Variants in PKM observed in about 807,000 individuals in gnomAD.
The protein encoded by PKM is pyruvate kinase M1/2, also known as pyruvate kinase PKM.
Under a neutral mutation model 49.8 loss-of-function variants are expected in PKM, and 18 were observed. The observed-to-expected ratio is 0.36, with a 90% CI of 0.25 to 0.54. PKM has a LOEUF of 0.54. Among genes scored for constraint, PKM ranks in the 20% least tolerant of loss-of-function variants. The probability of loss-of-function intolerance (pLI) is 0.89; values close to 1 mark genes in which losing one functional copy is unlikely to be tolerated. For synonymous variants in PKM, 239 were observed against 261.8 expected (o/e 0.91, Z 0.84); for missense variants, 508 against 713.8 (o/e 0.71, Z 3.28).
At chr15:72,215,887 C>T (rs1222891027) in intron 3 of PKM, among the ~76,000 whole-genome samples, 1 of 152,148 alleles carries the variant, frequency 6.6e-6, no homozygotes, top group African/African-American at 2.4e-5. Context: ...TTCTCGGTGA[C>T]TCCTGCTAAG....
chr15:72,202,410 T>C lies in PKM; in HGVS notation c.1307+44A>G. On this transcript the variant is annotated intron_variant, in intron 9 of 10. Transcript: ENST00000335181. The surrounding 1 kb of genome is among the most constrained non-coding windows in gnomAD (Gnocchi z 4.5). ...TGCTCCCAGGACCCCCAAGGTGAGG[T>C]ACCACTGAGCAGGGCATTCCAGGGA... The C allele has an allele frequency of 3.2e-6, 5 of 1,586,210 alleles. No homozygotes were observed. Among genetic ancestry groups the C allele is most frequent in the Non-Finnish European group, 4.3e-6 (5 of 1,161,786 alleles).
At chr15:72,231,424 T>C (rs8192349), upstream of PKM, 1,934 of 152,734 alleles carry the variant, frequency 0.013, 60 homozygotes, top group Admixed American at 0.057. Flanking sequence ...CAGAGTCACA[T>C]TTTAAGAAAC....
chr15:72,202,418 A>G lies in PKM; in HGVS notation c.1307+36T>C. 1 of 1,599,970 alleles carries G rather than the reference A, an allele frequency of 6.3e-7. No individual in the cohort carries two copies. Among genetic ancestry groups the G allele is most frequent in the Admixed American group, 1.7e-5 (1 of 59,002 alleles). ...GGACCCCCAAGGTGAGGTACCACTG[A>G]GCAGGGCATTCCAGGGAGCCGCTGC... On this transcript the variant is annotated intron_variant, in intron 9 of 10. Coordinates refer to ENST00000335181, the MANE Select transcript of PKM (RefSeq NM_002654.6). The surrounding 1 kb of genome is among the most constrained non-coding windows in gnomAD (Gnocchi z 4.5).
At chr15:72,207,319 A>G (rs2082112514) in intron 6 of PKM, 42 bp from the exon 7 acceptor site, 2 of 1,584,492 alleles carry the variant, frequency 1.3e-6, no homozygotes. Flanking sequence ...TATAGAACAG[A>G]GGCCACAAGT....
chr15:72,222,684 G>A (rs958818011), intron 1 of PKM, among the ~76,000 whole-genome samples: 32 of 152,020 alleles, frequency 2.1e-4, no homozygotes, highest in Admixed American at 1.0e-3. Context: ...GAAGCCTGGC[G>A]TATCCACTGA....
At chr15:72,212,019 C>T (rs953754010) in intron 3 of PKM, among the ~76,000 whole-genome samples, 4 of 152,192 alleles carry the variant, frequency 2.6e-5, no homozygotes, top group African/African-American at 9.7e-5. Flanking sequence ...AGAGCCTAGC[C>T]TCTAAAGACA....
chr15:72,219,139 G>A, intron 1 of PKM, 29 bp from the exon 2 acceptor site: 3 of 1,600,382 alleles, frequency 1.9e-6, no homozygotes, highest in Non-Finnish European at 2.6e-6. Flanking sequence ...AAAGAGAGTG[G>A]TAAGACTGAG....
upstream of PKM, chr15:72,231,298 C>T (rs994073617): frequency 1.3e-5 from 2 of 156,498 alleles, no homozygotes; most frequent in African/African-American, 2.4e-5. Flanking sequence ...GGGCCCCGCC[C>T]CCTGCGTCCC....
Position 72,199,582 on chromosome 15 carries a change from T to G in PKM, c.*68A>C, listed in dbSNP as rs745908092. 3 of 1,087,886 alleles carry G rather than the reference T, an allele frequency of 2.8e-6. No homozygotes were observed. The highest frequency in any genetic ancestry group is 1.8e-5 in the Admixed American group (1 of 56,412). The allele number at this position is 1,087,886 out of a possible 1,614,324, so 67.4% of individuals were successfully genotyped here. A position where few individuals can be genotyped will look rare whatever the true frequency, so the allele number is the denominator to read the frequency against. ...AGCCCAGAGTGAGTTCTACAAGCGTTGCTGGCCTAATGGATGGGCTGGGGG... is the reference window on the plus strand; with the variant it reads ...AGCCCAGAGTGAGTTCTACAAGCGTGGCTGGCCTAATGGATGGGCTGGGGG... On this transcript the variant is annotated 3_prime_UTR_variant, in exon 11 of 11. Transcript: ENST00000335181.
At chr15:72,231,199 A>G (rs1011018364), upstream of PKM, 3 of 252,634 alleles carry the variant, frequency 1.2e-5, no homozygotes, top group Non-Finnish European at 2.5e-5. Context: ...GCAAGGAGCC[A>G]CTGCCTCAGC....
At chr15:72,218,611 T>C (rs2082435993) in intron 2 of PKM, among the ~76,000 whole-genome samples, 1 of 151,384 alleles carries the variant, frequency 6.6e-6, no homozygotes, top group Non-Finnish European at 1.5e-5. Flanking sequence ...TTTTCACTTT[T>C]TGGAGAGACA....
intron 3 of PKM, among the ~76,000 whole-genome samples, chr15:72,216,516 G>A (rs1052167521): frequency 1.3e-5 from 2 of 152,142 alleles, no homozygotes; most frequent in Non-Finnish European, 2.9e-5. Context: ...CCAGCTACTC[G>A]GGAGGCTGAG....
intron 1 of PKM, among the ~76,000 whole-genome samples, chr15:72,226,630 T>C (rs1303961786): frequency 6.6e-6 from 1 of 152,252 alleles, no homozygotes; most frequent in Admixed American, 6.5e-5. Context: ...TCAGAGAATC[T>C]TGACTGCAGT....
At chr15:72,203,356 T>C (rs1181979809) in intron 8 of PKM, 2 of 640,666 alleles carry the variant, frequency 3.1e-6, no homozygotes, top group Non-Finnish European at 5.6e-6. Flanking sequence ...GTGATGAAAG[T>C]CCAACTGCTT....
chr15:72,207,021 T>C (rs1687052044), intron 7 of PKM, 106 bp downstream of exon 7: 3 of 1,492,426 alleles, frequency 2.0e-6, no homozygotes, highest in Non-Finnish European at 2.8e-6. Context: ...ATTATCTGTG[T>C]GTTACGTGCG....
At chr15:72,222,028 A>C (rs1317171027) in intron 1 of PKM, among the ~76,000 whole-genome samples, 1 of 152,144 alleles carries the variant, frequency 6.6e-6, no homozygotes, top group Non-Finnish European at 1.5e-5. Context: ...TTACAGTAAA[A>C]GCTTTTGACA....
Position 72,209,754 on chromosome 15 carries a change from T to C in PKM, c.484A>G (p.Lys162Glu), listed in dbSNP as rs777998040. Residue 162 changes from lysine (K) to glutamate (E), a missense_variant, in exon 5 of 11, where the codon AAG becomes GAG. Transcript: ENST00000335181. ...ACTTCCACCACCTTGCAGATGTTCT[T>C]GTAGTCCAGCCACAGGATGTTCTCG... The part of the protein sequence containing the change: ...CDENILWLDY[K>E]NICKVVEVGS... 2 of 1,614,086 alleles carry C rather than the reference T, an allele frequency of 1.2e-6. No individual in the cohort carries two copies. Among genetic ancestry groups the C allele is most frequent in the Admixed American group, 3.3e-5 (2 of 60,014 alleles).
Position 72,208,792 on chromosome 15 carries a change from G to A in PKM, c.665C>T (p.Ser222Leu), listed in dbSNP as rs143294717. 27 of 1,613,888 alleles carry A rather than the reference G, an allele frequency of 1.7e-5. No homozygotes were observed. In the African/African-American group the frequency reaches 2.7e-4, roughly 16 times the overall value. ...PGAAVDLPAV[S>L]EKDIQDLKFG... ...CTTCAGATCCTGGATGTCCTTCTCCGACACAGCAGGCAAGTCCACAGCAGC... is the reference window on the plus strand; with the variant it reads ...CTTCAGATCCTGGATGTCCTTCTCCAACACAGCAGGCAAGTCCACAGCAGC... The change falls in exon 6 of 11, where the codon TCG (serine) becomes TTG (leucine). Residue 222 changes from serine (S) to leucine (L), a missense_variant. Coordinates refer to ENST00000335181, the MANE Select transcript of PKM (RefSeq NM_002654.6).
At position 72,199,546 on chromosome 15, in the gene PKM, T is replaced by C; in HGVS notation, c.*104A>G. ...CTTCCCTGGTGTCCCAACCTACCAG[T>C]GCCACGTTACAGCCCAGAGTGAGTT... On this transcript the variant is annotated 3_prime_UTR_variant, in exon 11 of 11. Coordinates refer to ENST00000335181, the MANE Select transcript of PKM (RefSeq NM_002654.6). 5 of 799,644 alleles carry C rather than the reference T, an allele frequency of 6.3e-6. No homozygotes were observed. The highest frequency in any genetic ancestry group is 1.1e-5 in the Non-Finnish European group (5 of 456,344). 49.5% of individuals were successfully genotyped at this position (799,644 alleles called of 1,614,324 possible).
Sources: allele counts gnomAD v4.1 joint callset (sites outside exome capture counted in the v4.1 genomes callset), GRCh38; gene constraint gnomAD v4.1.1; non-coding constraint Gnocchi (gnomAD v3.1); transcripts MANE v1.5; gene names NCBI Gene and HGNC (gene_info 2026-07-23, HGNC 2026-07-21).